The following HSPA12B variants were observed in gnomAD, a reference collection of about 807,000 sequenced individuals.
HSPA12B encodes the protein heat shock 70 kDa protein 12B.
Under a neutral mutation model 69.3 loss-of-function variants are expected in HSPA12B, and 54 were observed. The observed-to-expected ratio is 0.78, with a 90% CI of 0.63 to 0.98. The LOEUF (loss-of-function observed/expected upper bound fraction) is 0.98, where lower values mean the gene tolerates loss of function less well. Among genes scored for constraint, HSPA12B ranks in the 50% least tolerant of loss-of-function variants. The pLI, the probability that HSPA12B is intolerant of heterozygous loss-of-function variation, is 0.00. For missense variants in HSPA12B, 929 were observed against 999.8 expected (o/e 0.93, Z 0.96); for synonymous variants, 441 against 436.5 (o/e 1.01, Z -0.13).
At chr20:3,748,659 T>C (rs2088353458) in intron 8 of HSPA12B, among the ~76,000 whole-genome samples, 1 of 151,932 alleles carries the variant, frequency 6.6e-6, no homozygotes, top group Admixed American at 6.5e-5. Context: ...GGGAGCAAAG[T>C]CTGAGGAGGG....
In HSPA12B at chr20:3,752,084, G is replaced by A. The variant is rs1406352499; in HGVS notation, c.1979G>A (p.Gly660Asp). 3 of 1,526,220 alleles carry A rather than the reference G, an allele frequency of 2.0e-6. No homozygotes were observed. In the East Asian group the frequency reaches 7.2e-5, roughly 36 times the overall value. The allele number at this position is 1,526,220 out of a possible 1,614,324, so 94.5% of individuals were successfully genotyped here. Residue 660 changes from glycine to aspartate, a missense_variant, in exon 13 of 13, where the codon GGC (glycine) becomes GAC (aspartate). Gly to Asp is a moderately conservative substitution (Grantham distance 94). Coordinates refer to ENST00000254963, the MANE Select transcript of HSPA12B (RefSeq NM_052970.5). Reference sequence around the variant, plus strand: ...GAGATCCGCGCCGCCATGCAGTTTGGCGACACCGAAATTAAGGTCACCGCC... The same window carrying A: ...GAGATCCGCGCCGCCATGCAGTTTGACGACACCGAAATTAAGGTCACCGCC... ...RREIRAAMQF[G>D]DTEIKVTAVD...
chr20:3,734,167 C>CA (rs1434661595), intron 1 of HSPA12B, among the ~76,000 whole-genome samples: 1 of 152,018 alleles, frequency 6.6e-6, no homozygotes, highest in African/African-American at 2.4e-5. Flanking sequence ...GACCCTGTCT[C>CA]AAAAAAAGGA....
At chr20:3,741,780 G>C (rs2146565991) in intron 3 of HSPA12B, among the ~76,000 whole-genome samples, 2 of 152,308 alleles carry the variant, frequency 1.3e-5, no homozygotes, top group East Asian at 3.9e-4. Context: ...CCTGGCATAG[G>C]AGAAGGCACA....
intron 11 of HSPA12B, 107 bp downstream of exon 11, chr20:3,750,334 C>A: frequency 1.7e-6 from 2 of 1,203,584 alleles, no homozygotes; most frequent in Non-Finnish European, 2.3e-6. Flanking sequence ...CTGATTCATC[C>A]CACATATACA....
At chr20:3,738,535 T>C (rs367826286) in intron 1 of HSPA12B, 123 bp from the exon 2 acceptor site, 107 of 824,924 alleles carry the variant, frequency 1.3e-4, no homozygotes, top group East Asian at 1.0e-3. Flanking sequence ...TGAAACAACA[T>C]GATGGCTGGG....
chr20:3,735,501 T>C (rs1358006052), intron 1 of HSPA12B, among the ~76,000 whole-genome samples: 3 of 151,270 alleles, frequency 2.0e-5, no homozygotes, highest in Non-Finnish European at 4.4e-5. Context: ...GTCTCACTCT[T>C]CTCGCCCAGG....
In HSPA12B at chr20:3,745,010, C is replaced by T; in HGVS notation, c.375C>T (p.Tyr125=). The T allele has an allele frequency of 6.2e-7, 1 of 1,614,094 alleles. No individual in the cohort carries two copies. The highest frequency in any genetic ancestry group is 8.5e-7 in the Non-Finnish European group (1 of 1,180,046). Residue 125 remains tyrosine (Y), a synonymous_variant, in exon 5 of 13, where the codon TAC becomes TAT. Transcript: ENST00000254963. This position sits in a 1 kb window ranked among gnomAD's most constrained non-coding sequence, Gnocchi z 5.6. ...GCTTTGGCTACACCGCCCGCGATTA[C>T]TACCATGACCTGGACCCCGAAGAGG... The part of the protein sequence containing the change: ...FHSFGYTARD[Y]YHDLDPEEAR...
At position 3,751,716 on chromosome 20, in the gene HSPA12B, C is replaced by A; in HGVS notation, c.1611C>A (p.Arg537=). ...FGQAPGVVRV[R]RSPLTYGVGV... ...AGGCGCCGGGCGTGGTGCGGGTCCG[C>A]CGCTCGCCGCTCACCTATGGCGTGG... The change falls in exon 13 of 13, where the codon CGC becomes CGA. Residue 537 remains arginine, a synonymous_variant. Transcript: ENST00000254963. 1 of 1,485,966 alleles carries A rather than the reference C, an allele frequency of 6.7e-7. No individual in the cohort carries two copies. 92.0% of individuals were successfully genotyped at this position (1,485,966 alleles called of 1,614,324 possible).
In HSPA12B at chr20:3,744,453, A is replaced by G. The variant is rs2088260558; in HGVS notation, c.267-449A>G. On this transcript the variant is annotated intron_variant, in intron 4 of 12. Transcript: ENST00000254963. This position sits in a 1 kb window ranked among gnomAD's most constrained non-coding sequence, Gnocchi z 4.9. Reference sequence around the variant, plus strand: ...CTGGGGGACATTCCAGCCTCCTCCCAAGCTCTCTCTTCCCACCAGACACCA... The same window carrying G: ...CTGGGGGACATTCCAGCCTCCTCCCGAGCTCTCTCTTCCCACCAGACACCA... 2.0e-5 allele frequency among the ~76,000 whole-genome samples: 3 copies of G among 152,184 alleles called. No homozygotes were observed. The highest frequency in any genetic ancestry group is 4.8e-5 in the African/African-American group (2 of 41,446).
intron 7 of HSPA12B, 100 bp from the exon 8 acceptor site, chr20:3,748,117 G>A (rs2088339456): frequency 2.1e-5 from 22 of 1,061,236 alleles, no homozygotes; most frequent in Non-Finnish European, 2.9e-5. Context: ...GATGGAGGAG[G>A]AGGTGGGAGC....
At chr20:3,747,804 G>A (rs531369391) in intron 7 of HSPA12B, among the ~76,000 whole-genome samples, 24 of 152,164 alleles carry the variant, frequency 1.6e-4, no homozygotes, top group Non-Finnish European at 2.8e-4. Context: ...CACCTCCTCT[G>A]AGCCATCACA....
In HSPA12B at chr20:3,752,086, G is replaced by A. The variant is rs773538378; in HGVS notation, c.1981G>A (p.Asp661Asn). ...GATCCGCGCCGCCATGCAGTTTGGC[G>A]ACACCGAAATTAAGGTCACCGCCGT... ...REIRAAMQFG[D>N]TEIKVTAVDV... Residue 661 changes from aspartate (D) to asparagine (N), a missense_variant, in exon 13 of 13, where the codon GAC becomes AAC. Transcript: ENST00000254963. 7 of 1,525,292 alleles carry A rather than the reference G, an allele frequency of 4.6e-6. No individual in the cohort carries two copies. The East Asian group carries it at 1.2e-4, about 26-fold the overall frequency. 94.5% of individuals were successfully genotyped at this position (1,525,292 alleles called of 1,614,324 possible).
chr20:3,742,750 T>G (rs1219729785), intron 4 of HSPA12B, among the ~76,000 whole-genome samples: 1 of 151,324 alleles, frequency 6.6e-6, no homozygotes, highest in Non-Finnish European at 1.5e-5. Context: ...TAGGCTGGAG[T>G]GCAAAGGCAC....
At chr20:3,734,500 A>G (rs1446764757) in intron 1 of HSPA12B, among the ~76,000 whole-genome samples, 1 of 152,076 alleles carries the variant, frequency 6.6e-6, no homozygotes, top group African/African-American at 2.4e-5. Context: ...TTACTCTCAA[A>G]CCCATAGGCA....
chr20:3,746,354 G>A (rs2088304119), intron 7 of HSPA12B, among the ~76,000 whole-genome samples: 1 of 135,604 alleles, frequency 7.4e-6, no homozygotes, highest in Admixed American at 8.9e-5. Context: ...CCAGGCTGGA[G>A]CGCAGTGGCG....
At chr20:3,742,439 G>T (rs560884703) in intron 4 of HSPA12B, 31 bp downstream of exon 4, 3 of 1,491,950 alleles carry the variant, frequency 2.0e-6, no homozygotes, top group East Asian at 4.7e-5. Context: ...AGAGTGAGGT[G>T]GGGAAGGTGG....
rs771819791 is a variant in HSPA12B, at chr20:3,749,863, C to G, written c.1042+9C>G. 1.3e-6 allele frequency: 2 copies of G among 1,591,674 alleles called. No individual in the cohort carries two copies. Among genetic ancestry groups the G allele is most frequent in the Non-Finnish European group, 1.7e-6 (2 of 1,169,424 alleles). ...GCTCTACAAGGCATCTGGTGAGTAG[C>G]CAGGCGGCGCCCCGGTACCCAGCGC... On this transcript the variant is annotated intron_variant, in intron 10 of 12. Coordinates refer to ENST00000254963, the MANE Select transcript of HSPA12B (RefSeq NM_052970.5). The surrounding 1 kb of genome is among the most constrained non-coding windows in gnomAD (Gnocchi z 5.5).
At position 3,740,961 on chromosome 20, in the gene HSPA12B, C is replaced by T. The variant is rs780175514; in HGVS notation, c.141+49C>T. On this transcript the variant is annotated intron_variant, in intron 3 of 12. Transcript: ENST00000254963. This position sits in a 1 kb window ranked among gnomAD's most constrained non-coding sequence, Gnocchi z 4.9. The stretch of plus-strand genomic sequence containing the variant: ...TGGTGGGTGACCTGGCTGGTGTGGA[C>T]AGGGTCGTGCGTGGCAAAGTCATGA... The T allele has an allele frequency of 6.6e-7, 1 of 1,513,482 alleles. No individual in the cohort carries two copies. The allele number at this position is 1,513,482 out of a possible 1,614,324, so 93.8% of individuals were successfully genotyped here. A position where few individuals can be genotyped will look rare whatever the true frequency, so the allele number is the denominator to read the frequency against.
Position 3,745,103 on chromosome 20 carries a change from T to C in HSPA12B, c.453+15T>C. ...ACAGCGCCACGGTGAGTCACAGGGC[T>C]CCAGACAGGGAGGCGGGGCCAGCAT... is the stretch of plus-strand genomic sequence containing the variant. On this transcript the variant is annotated intron_variant, in intron 5 of 12. Coordinates refer to ENST00000254963, the MANE Select transcript of HSPA12B (RefSeq NM_052970.5). This position sits in a 1 kb window ranked among gnomAD's most constrained non-coding sequence, Gnocchi z 5.6. The C allele has an allele frequency of 6.4e-7, 1 of 1,563,848 alleles. No homozygotes were observed. The highest frequency in any genetic ancestry group is 8.7e-7 in the Non-Finnish European group (1 of 1,146,696).
Sources: allele counts gnomAD v4.1 joint callset (sites outside exome capture counted in the v4.1 genomes callset), GRCh38; gene constraint gnomAD v4.1.1; non-coding constraint Gnocchi (gnomAD v3.1); transcripts MANE v1.5; gene names NCBI Gene and HGNC (gene_info 2026-07-23, HGNC 2026-07-21).